The following HCN1 variants were observed in gnomAD, a reference collection of about 807,000 sequenced individuals.
HCN1 encodes the protein hyperpolarization activated cyclic nucleotide gated potassium channel 1.
HCN1 carries 13 observed loss-of-function variants against 78.9 expected under a neutral mutation model. The ratio of observed to expected loss-of-function variants is 0.16; its 90% CI spans 0.11 to 0.26. HCN1 has a LOEUF of 0.26. HCN1 is among the 10% of genes least tolerant of loss of function. HCN1 has a pLI of 1.00. For synonymous variants in HCN1, 552 were observed against 455.5 expected (o/e 1.21, Z -2.70); for missense variants, 810 against 1,154.3 (o/e 0.70, Z 4.32).
At chr5:45,318,629 C>T (rs1427857664) in intron 5 of HCN1, among the ~76,000 whole-genome samples, 1 of 151,332 alleles carries the variant, frequency 6.6e-6, no homozygotes, top group Non-Finnish European at 1.5e-5. Flanking sequence ...AAAGTATTTG[C>T]TTACAGCAGT....
At chr5:45,494,309 G>A (rs967237652) in intron 2 of HCN1, among the ~76,000 whole-genome samples, 4 of 152,144 alleles carry the variant, frequency 2.6e-5, no homozygotes, top group African/African-American at 7.2e-5. Flanking sequence ...GGTATGAGAT[G>A]GTATCTCACT....
rs963702751 is a variant in HCN1, at chr5:45,255,184, G to A, written c.*6737C>T. 15 of 152,306 alleles carry A rather than the reference G, an allele frequency of 9.8e-5. No individual in the cohort carries two copies. The highest frequency in any genetic ancestry group is 3.6e-4 in the African/African-American group (15 of 41,566). The allele number at this position is 152,306 out of a possible 1,614,324, so 9.4% of individuals were successfully genotyped here. ...GCTGGGTTAGACAGCGTGACCAAGA[G>A]TAAACTTTGGATGGTCCAGGATAAA... On this transcript the variant is annotated 3_prime_UTR_variant, in exon 8 of 8. Transcript: ENST00000303230.
chr5:45,352,058 C>T (rs1212751384), intron 5 of HCN1, among the ~76,000 whole-genome samples: 1 of 152,032 alleles, frequency 6.6e-6, no homozygotes, highest in African/African-American at 2.4e-5. Context: ...ATCATGCTGC[C>T]ATAAAGACAG....
intron 2 of HCN1, among the ~76,000 whole-genome samples, chr5:45,581,214 T>C (rs1453609868): frequency 6.6e-6 from 1 of 152,236 alleles, no homozygotes; most frequent in Non-Finnish European, 1.5e-5. Flanking sequence ...TTCCTGACTT[T>C]TTAATGATTG....
intron 1 of HCN1, among the ~76,000 whole-genome samples, chr5:45,646,547 C>A (rs1354596129): frequency 6.6e-6 from 1 of 151,530 alleles, no homozygotes; most frequent in Non-Finnish European, 1.5e-5. Context: ...AAAAAAAAAT[C>A]TTTAACATTT....
At chr5:45,376,334 T>C (rs182270536) in intron 4 of HCN1, among the ~76,000 whole-genome samples, 1,154 of 79,536 alleles carry the variant, frequency 0.015, 18 homozygotes, top group African/African-American at 0.042. Flanking sequence ...ATATATAACA[T>C]ATATTATATA....
intron 4 of HCN1, among the ~76,000 whole-genome samples, chr5:45,369,730 G>A (rs1747314080): frequency 6.6e-6 from 1 of 152,076 alleles, no homozygotes; most frequent in Non-Finnish European, 1.5e-5. Flanking sequence ...ACACTCCAGT[G>A]CATGTATCTA....
chr5:45,314,669 C>A (rs191439749), intron 5 of HCN1, among the ~76,000 whole-genome samples: 1 of 151,962 alleles, frequency 6.6e-6, no homozygotes, highest in East Asian at 1.9e-4. Context: ...TTCAGGAGAC[C>A]CATCTCACAT....
chr5:45,341,615 G>A (rs544920452), intron 5 of HCN1, among the ~76,000 whole-genome samples: 21 of 152,252 alleles, frequency 1.4e-4, no homozygotes, highest in African/African-American at 3.4e-4. Flanking sequence ...CTGGTTAAGC[G>A]CAAAGGTGGC....
At chr5:45,274,698 T>C (rs1156415822) in intron 6 of HCN1, among the ~76,000 whole-genome samples, 2 of 152,218 alleles carry the variant, frequency 1.3e-5, no homozygotes, top group African/African-American at 4.8e-5. Flanking sequence ...ATAACTATCA[T>C]CTTTCACCAT....
At position 45,303,687 on chromosome 5, in the gene HCN1, T is replaced by A. The variant is rs780273858; in HGVS notation, c.1530A>T (p.Lys510Asn). The A allele has an allele frequency of 6.2e-7, 1 of 1,613,648 alleles. No individual in the cohort carries two copies. The highest frequency in any genetic ancestry group is 8.5e-7 in the Non-Finnish European group (1 of 1,179,754). The part of the protein sequence containing the change: ...DYIIREGAVG[K>N]KMYFIQHGVA... ...CACCGTGTTGAATGAAATACATTTT[T>A]TTACCCACGGCTCCTTCTCGTATGA... is the stretch of plus-strand genomic sequence containing the variant. The change falls in exon 6 of 8, where the codon AAA (lysine) becomes AAT (asparagine). Residue 510 changes from lysine (K) to asparagine (N), a missense_variant. Lys to Asn is a moderately conservative substitution (Grantham distance 94). Transcript: ENST00000303230.
At chr5:45,586,786 T>C (rs1428923044) in intron 2 of HCN1, among the ~76,000 whole-genome samples, 2 of 152,170 alleles carry the variant, frequency 1.3e-5, no homozygotes, top group Admixed American at 1.3e-4. Context: ...TTTAGTCTCT[T>C]AGCACCAGAG....
intron 2 of HCN1, among the ~76,000 whole-genome samples, chr5:45,547,628 T>G (rs917553686): frequency 3.4e-4 from 52 of 152,066 alleles, no homozygotes; most frequent in Admixed American, 2.1e-3. Flanking sequence ...TATCAATGTA[T>G]ATTAAAATGT....
chr5:45,638,491 C>T (rs1165880789), intron 2 of HCN1, among the ~76,000 whole-genome samples: 1 of 152,172 alleles, frequency 6.6e-6, no homozygotes, highest in Non-Finnish European at 1.5e-5. Context: ...ATTTCCATGT[C>T]AAAAGCACTG....
intron 2 of HCN1, among the ~76,000 whole-genome samples, chr5:45,599,295 A>T (rs1259346543): frequency 6.6e-6 from 1 of 152,094 alleles, no homozygotes; most frequent in Non-Finnish European, 1.5e-5. Context: ...CATTCTCAGC[A>T]AACTATCACA....
intron 3 of HCN1, among the ~76,000 whole-genome samples, chr5:45,451,014 T>C (rs1203539135): frequency 6.6e-6 from 1 of 152,152 alleles, no homozygotes; most frequent in African/African-American, 2.4e-5. Context: ...AATGTGTTTA[T>C]CCTACTTTTG....
intron 4 of HCN1, among the ~76,000 whole-genome samples, chr5:45,361,635 C>T (rs1747111582): frequency 6.6e-6 from 1 of 152,150 alleles, no homozygotes; most frequent in South Asian, 2.1e-4. Context: ...TCTTCCAATA[C>T]AAATAGTCAT....
intron 3 of HCN1, among the ~76,000 whole-genome samples, chr5:45,400,926 ATTG>A (rs1739784913): frequency 6.6e-6 from 1 of 152,014 alleles, no homozygotes; most frequent in South Asian, 2.1e-4. Flanking sequence ...ATATGCTCTT[ATTG>A]TTGTTATCAC....
At chr5:45,687,445 CCTTTT>C (rs1277839261) in intron 1 of HCN1, among the ~76,000 whole-genome samples, 5 of 151,912 alleles carry the variant, frequency 3.3e-5, no homozygotes, top group Middle Eastern at 3.4e-3. Flanking sequence ...TTTCCTATTC[CCTTTT>C]GTCTTTTTGT....
Sources: gnomAD v4.1 joint callset for allele counts (sites outside exome capture counted in the v4.1 genomes callset) on GRCh38, gnomAD v4.1.1 for gene constraint, MANE v1.5 for transcripts, NCBI Gene and HGNC (gene_info 2026-07-23, HGNC 2026-07-21) for gene names.